Variants in MAP7D1 observed in about 807,000 individuals in gnomAD.
The protein encoded by MAP7D1 is MAP7 domain containing 1, also known as MAP7 domain-containing protein 1.
Under a neutral mutation model 97.5 loss-of-function variants are expected in MAP7D1, and 30 were observed. That is an observed-to-expected ratio of 0.31 (90% CI 0.23 to 0.42). MAP7D1 has a LOEUF of 0.42. Among genes scored for constraint, MAP7D1 ranks in the 10% least tolerant of loss-of-function variants. The pLI, the probability that MAP7D1 is intolerant of heterozygous loss-of-function variation, is 1.00. For missense variants in MAP7D1, 1,184 were observed against 1,179.5 expected (o/e 1.00, Z -0.06); for synonymous variants, 536 against 477.1 (o/e 1.12, Z -1.61).
chr1:36,179,533 G>T lies in MAP7D1; in HGVS notation c.2203G>T (p.Ala735Ser), dbSNP rs577554367. 1.9e-5 allele frequency: 30 copies of T among 1,575,352 alleles called. No individual in the cohort carries two copies. In the East Asian group the frequency reaches 6.5e-4, roughly 34 times the overall value. ...AAAGCAGAAGCAGGACAGCAAGGAG[G>T]CCAACGCCAACGGTTCCAGCCCAGG... ...SETKKQDSKE[A>S]NANGSSPEPV... The change falls in exon 14 of 17, where the codon GCC (alanine) becomes TCC (serine). Residue 735 changes from alanine (A) to serine (S), a missense_variant. Transcript: ENST00000474796.
At chr1:36,177,382 G>T (rs559001178) in intron 8 of MAP7D1, 68 of 368,012 alleles carry the variant, frequency 1.8e-4, no homozygotes, top group African/African-American at 1.4e-3. Context: ...GAAGGGCCAG[G>T]GTAGTGCCTC....
At position 36,171,167 on chromosome 1, in the gene MAP7D1, C is replaced by A. The variant is rs1160069777; in HGVS notation, c.243C>A (p.Pro81=). Residue 81 remains proline (P), a synonymous_variant, in exon 2 of 17, where the codon CCC becomes CCA. Coordinates refer to ENST00000474796, the MANE Select transcript of MAP7D1 (RefSeq NM_001388490.1). The part of the protein sequence containing the change: ...PSGQVGPRPA[P]PQEESPSSEA... ...GGCAGGTCGGGCCTAGGCCAGCCCCCCCGCAGGAAGAGTCCCCTTCCTCTG... is the reference window on the plus strand; with the variant it reads ...GGCAGGTCGGGCCTAGGCCAGCCCCACCGCAGGAAGAGTCCCCTTCCTCTG... 3.1e-6 allele frequency: 5 copies of A among 1,613,840 alleles called. No homozygotes were observed. The highest frequency in any genetic ancestry group is 4.2e-6 in the Non-Finnish European group (5 of 1,179,908).
intron 11 of MAP7D1, 25 bp from the exon 12 acceptor site, chr1:36,178,896 C>T: frequency 3.9e-6 from 6 of 1,551,018 alleles, no homozygotes; most frequent in South Asian, 2.4e-5. Context: ...GTCAAGTGCC[C>T]CACGCTCATG....
intron 1 of MAP7D1, among the ~76,000 whole-genome samples, chr1:36,162,795 C>T (rs1644430221): frequency 6.6e-6 from 1 of 152,148 alleles, no homozygotes; most frequent in African/African-American, 2.4e-5. Context: ...AGGTAGCTTT[C>T]TACAGTACCC....
chr1:36,173,562 C>T (rs1644577932), intron 5 of MAP7D1, 84 bp downstream of exon 5: 2 of 1,027,138 alleles, frequency 1.9e-6, no homozygotes, highest in Admixed American at 2.6e-5. Context: ...CTACAAAAAG[C>T]TGGTGGCTCC....
At chr1:36,160,254 G>A (rs1468644176) in intron 1 of MAP7D1, among the ~76,000 whole-genome samples, 1 of 152,242 alleles carries the variant, frequency 6.6e-6, no homozygotes, top group East Asian at 1.9e-4. Context: ...CAGGGGCACA[G>A]CCTTCAGTGT....
At chr1:36,169,200 C>T (rs1223026081) in intron 1 of MAP7D1, among the ~76,000 whole-genome samples, 3 of 148,816 alleles carry the variant, frequency 2.0e-5, no homozygotes, top group African/African-American at 5.0e-5. Flanking sequence ...TGCAGTGAGC[C>T]GAGATCGTGC....
chr1:36,166,014 G>A (rs897018329), intron 1 of MAP7D1, among the ~76,000 whole-genome samples: 6 of 152,154 alleles, frequency 3.9e-5, no homozygotes, highest in African/African-American at 1.4e-4. Flanking sequence ...ACAGGCGTGA[G>A]CCACCGCTCC....
intron 1 of MAP7D1, among the ~76,000 whole-genome samples, chr1:36,164,846 G>C (rs1644454958): frequency 6.6e-6 from 1 of 152,230 alleles, no homozygotes. Flanking sequence ...AGTCATCCAG[G>C]TGAGAGCGAT....
Position 36,159,987 on chromosome 1 carries a change from A to C in MAP7D1, c.46+3524A>C, listed in dbSNP as rs1344617452. 6.6e-6 allele frequency among the ~76,000 whole-genome samples: 1 copy of C among 152,226 alleles called. No homozygotes were observed. Among genetic ancestry groups the C allele is most frequent in the Non-Finnish European group, 1.5e-5 (1 of 68,040 alleles). ...AATGAGGTGGAAGGGATACTAGGCC[A>C]GCTCAGGTCCCCTTTCCTAACATGA... On this transcript the variant is annotated intron_variant, in intron 1 of 16. Transcript: ENST00000474796. The surrounding 1 kb of genome is among the most constrained non-coding windows in gnomAD (Gnocchi z 5.4).
chr1:36,168,585 G>A (rs983634380), intron 1 of MAP7D1, among the ~76,000 whole-genome samples: 14 of 152,156 alleles, frequency 9.2e-5, no homozygotes, highest in Admixed American at 7.2e-4. Context: ...GAAGAGATGG[G>A]TGGCTTGTCA....
chr1:36,176,897 C>T lies in MAP7D1; in HGVS notation c.1379+55C>T, dbSNP rs1222816543. The T allele has an allele frequency of 2.1e-6, 3 of 1,441,778 alleles. No individual in the cohort carries two copies. The highest frequency in any genetic ancestry group is 2.8e-6 in the Non-Finnish European group (3 of 1,056,636). 89.3% of individuals were successfully genotyped at this position (1,441,778 alleles called of 1,614,324 possible). On this transcript the variant is annotated intron_variant, in intron 8 of 16. Transcript: ENST00000474796. The surrounding 1 kb of genome is among the most constrained non-coding windows in gnomAD (Gnocchi z 6.1). Reference sequence around the variant, plus strand: ...CCCTCACCGGGTCATTTATTCATCACCCACAAATATTTGTTGGGCAACCAC... The same window carrying T: ...CCCTCACCGGGTCATTTATTCATCATCCACAAATATTTGTTGGGCAACCAC...
Position 36,176,606 on chromosome 1 carries a change from G to A in MAP7D1, c.1233+25G>A. On this transcript the variant is annotated intron_variant, in intron 7 of 16. Transcript: ENST00000474796. The surrounding 1 kb of genome is among the most constrained non-coding windows in gnomAD (Gnocchi z 6.1). ...GGTGAGTGGCTCTACTGGCTCGAGT[G>A]GCCGCGCAGGTGGGGACAGGCAGCC... is the stretch of plus-strand genomic sequence containing the variant. The A allele has an allele frequency of 6.5e-7, 1 of 1,541,078 alleles. No individual in the cohort carries two copies.
chr1:36,165,365 C>T (rs903558164), intron 1 of MAP7D1, among the ~76,000 whole-genome samples: 9 of 152,144 alleles, frequency 5.9e-5, no homozygotes, highest in Admixed American at 2.0e-4. Flanking sequence ...TCAAGTGATC[C>T]TCCCACCTCA....
rs869169250 is a variant in MAP7D1 at position 36,163,817 on chromosome 1, CTTTTTTTTT to C, written c.47-7135_47-7127del. Among the ~76,000 whole-genome samples, 311 of 86,840 alleles carry C rather than the reference CTTTTTTTTT, an allele frequency of 3.6e-3. 1 individual carries two copies. The highest frequency in any genetic ancestry group is 0.014 in the African/African-American group (293 of 21,408). 57.0% of individuals were successfully genotyped at this position (86,840 alleles called of 152,430 possible). A position where few individuals can be genotyped will look rare whatever the true frequency, so the allele number is the denominator to read the frequency against. On this transcript the variant is annotated intron_variant, in intron 1 of 16. Transcript: ENST00000474796. ...TGCCACATAGATATATACTTTTTTT[CTTTTTTTTT>C]TTTTTTTTTTTTTTTTTTGGAGACA...
chr1:36,173,459 C>G lies in MAP7D1; in HGVS notation c.720C>G (p.Ser240Arg). ...RWSWAGALHH[S>R]SPGHKTSGSR... ...CCTGGGCAGGGGCCCTGCACCACAGCTCTCCAGGACATAAGACCAGTGAGT... is the reference window on the plus strand; with the variant it reads ...CCTGGGCAGGGGCCCTGCACCACAGGTCTCCAGGACATAAGACCAGTGAGT... The change falls in exon 5 of 17, where the codon AGC becomes AGG. Residue 240 changes from serine to arginine, a missense_variant. Physicochemically the swap from Ser to Arg is moderately radical, Grantham distance 110. Coordinates refer to ENST00000474796, the MANE Select transcript of MAP7D1 (RefSeq NM_001388490.1). 6.2e-7 allele frequency: 1 copy of G among 1,612,908 alleles called. No homozygotes were observed. Among genetic ancestry groups the G allele is most frequent in the East Asian group, 2.2e-5 (1 of 44,810 alleles).
At chr1:36,179,199 C>T in intron 12 of MAP7D1, 63 bp from the exon 13 acceptor site, 1 of 1,584,118 alleles carries the variant, frequency 6.3e-7, no homozygotes. Flanking sequence ...CCGGGTCTGG[C>T]TGGTGGGAGG....
chr1:36,179,384 C>T (rs1644682866), intron 13 of MAP7D1, 69 bp downstream of exon 13: 3 of 1,593,596 alleles, frequency 1.9e-6, no homozygotes, highest in Non-Finnish European at 2.6e-6. Flanking sequence ...TGCGGAAAGG[C>T]ATCCATGGCC....
chr1:36,175,487 G>A (rs1644605775), intron 6 of MAP7D1, among the ~76,000 whole-genome samples: 1 of 152,250 alleles, frequency 6.6e-6, no homozygotes. Context: ...CCCAGTCATG[G>A]CCTTGGCTGG....
Sources: allele counts gnomAD v4.1 joint callset (sites outside exome capture counted in the v4.1 genomes callset), GRCh38; gene constraint gnomAD v4.1.1; non-coding constraint Gnocchi (gnomAD v3.1); transcripts MANE v1.5; gene names NCBI Gene and HGNC (gene_info 2026-07-23, HGNC 2026-07-21).